TRAPPC10: variants seen among roughly 807,000 people sequenced by gnomAD.
TRAPPC10 encodes the protein trafficking protein particle complex subunit 10.
A neutral mutation model predicts 125.5 loss-of-function variants in TRAPPC10; 23 were observed. That is an observed-to-expected ratio of 0.18 (90% CI 0.13 to 0.26). TRAPPC10 has a LOEUF of 0.26. Among genes scored for constraint, TRAPPC10 ranks in the 10% least tolerant of loss-of-function variants. TRAPPC10 has a pLI of 1.00. For synonymous variants in TRAPPC10, 509 were observed against 518.0 expected, an observed-to-expected ratio of 0.98 and a Z score of 0.24; for missense variants, 1,123 against 1,308.4, an observed-to-expected ratio of 0.86 and a Z score of 2.19.
At chr21:44,013,736 T>A (rs2031470414) in intron 1 of TRAPPC10, among the ~76,000 whole-genome samples, 1 of 152,248 alleles carries the variant, frequency 6.6e-6, no homozygotes, top group Non-Finnish European at 1.5e-5. Flanking sequence ...TCTCTTTTTT[T>A]TCTACAGAGA....
intron 18 of TRAPPC10, among the ~76,000 whole-genome samples, chr21:44,090,970 A>T (rs1473099227): frequency 6.6e-6 from 1 of 152,208 alleles, no homozygotes; most frequent in Non-Finnish European, 1.5e-5. Context: ...AGGCAGGCGG[A>T]TCACGAGGTC....
At chr21:44,050,623 C>G (rs923955504) in intron 3 of TRAPPC10, among the ~76,000 whole-genome samples, 1 of 152,146 alleles carries the variant, frequency 6.6e-6, no homozygotes, top group South Asian at 2.1e-4. Context: ...TTCACCAGTG[C>G]TGTAAAATCT....
At chr21:44,044,468 A>G (rs1369366538) in intron 3 of TRAPPC10, among the ~76,000 whole-genome samples, 2 of 152,034 alleles carry the variant, frequency 1.3e-5, no homozygotes, top group African/African-American at 4.8e-5. Context: ...TCTTCCTTCA[A>G]GTAATATGAA....
intron 7 of TRAPPC10, among the ~76,000 whole-genome samples, chr21:44,066,554 T>C (rs1239727298): frequency 6.6e-6 from 1 of 152,236 alleles, no homozygotes; most frequent in Non-Finnish European, 1.5e-5. Context: ...TCCCTCCATT[T>C]ACAAAAGTTG....
At chr21:44,081,990 C>T (rs895161440) in intron 13 of TRAPPC10, among the ~76,000 whole-genome samples, 1 of 152,138 alleles carries the variant, frequency 6.6e-6, no homozygotes, top group Non-Finnish European at 1.5e-5. Context: ...GAGCCGTGAC[C>T]ACATCTGCTG....
chr21:44,089,810 G>A (rs1398666758), intron 17 of TRAPPC10, 23 bp from the exon 18 acceptor site: 11 of 1,599,020 alleles, frequency 6.9e-6, no homozygotes, highest in East Asian at 6.7e-5. Flanking sequence ...TGGTCTGAGA[G>A]TGTCTTTGTG....
intron 12 of TRAPPC10, 44 bp from the exon 13 acceptor site, chr21:44,079,971 T>C (rs1371648434): frequency 6.4e-7 from 1 of 1,554,476 alleles, no homozygotes; most frequent in Non-Finnish European, 8.9e-7. Context: ...CCCCCCGCAC[T>C]CCTAAGTATG....
At chr21:44,068,693 A>G (rs2036633260) in intron 7 of TRAPPC10, among the ~76,000 whole-genome samples, 1 of 151,994 alleles carries the variant, frequency 6.6e-6, no homozygotes, top group African/African-American at 2.4e-5. Flanking sequence ...CTCCGCCTCC[A>G]GGGTTCAGGC....
intron 7 of TRAPPC10, among the ~76,000 whole-genome samples, chr21:44,071,006 A>C (rs2036827420): frequency 6.6e-6 from 1 of 152,232 alleles, no homozygotes; most frequent in South Asian, 2.1e-4. Context: ...GGAGTGGATA[A>C]ATAAACTGTG....
chr21:44,086,997 C>T (rs761448700), intron 16 of TRAPPC10, 37 bp downstream of exon 16: 7 of 1,609,228 alleles, frequency 4.3e-6, no homozygotes, highest in Admixed American at 1.7e-5. Flanking sequence ...GGAGGATGCC[C>T]ACCTTGCCCT....
chr21:44,095,373 G>A (rs760848731), intron 20 of TRAPPC10, among the ~76,000 whole-genome samples: 6 of 151,804 alleles, frequency 4.0e-5, no homozygotes, highest in Admixed American at 2.0e-4. Context: ...AGCCTCCTGC[G>A]TAGCTGGGAT....
chr21:44,012,605 C>T, intron 1 of TRAPPC10, 45 bp downstream of exon 1: 2 of 1,500,244 alleles, frequency 1.3e-6, no homozygotes, highest in Non-Finnish European at 1.8e-6. Flanking sequence ...GTTGGGCGGG[C>T]CCGGGCCCTG....
At chr21:44,039,463 C>T (rs946638866) in intron 3 of TRAPPC10, among the ~76,000 whole-genome samples, 26 of 152,212 alleles carry the variant, frequency 1.7e-4, no homozygotes, top group East Asian at 5.8e-4. Flanking sequence ...GAGTCAGCCG[C>T]GTCTCCATGG....
In TRAPPC10 at chr21:44,084,235, G is replaced by T. The variant is rs763082293; in HGVS notation, c.2352G>T (p.Glu784Asp). ...TGCAGTACGACGTGTACTCACAGGA[G>T]CCCCAGCTGCACGTGGAGCCGCTGG... ...PIVQYDVYSQ[E>D]PQLHVEPLAD... is the part of the protein sequence containing the mutation. The change falls in exon 15 of 23, where the codon GAG (glutamate) becomes GAT (aspartate). Residue 784 changes from glutamate (E) to aspartate (D), a missense_variant. By Grantham distance (45) the Glu-to-Asp change is conservative. Transcript: ENST00000291574. 6 of 1,613,906 alleles carry T rather than the reference G, an allele frequency of 3.7e-6. No homozygotes were observed. Among genetic ancestry groups the T allele is most frequent in the Non-Finnish European group, 5.1e-6 (6 of 1,179,956 alleles).
intron 7 of TRAPPC10, among the ~76,000 whole-genome samples, chr21:44,073,685 A>C (rs2037053742): frequency 1.3e-5 from 2 of 152,192 alleles, no homozygotes; most frequent in African/African-American, 4.8e-5. Context: ...GACGTTTTTC[A>C]AATACAGACA....
intron 7 of TRAPPC10, among the ~76,000 whole-genome samples, chr21:44,065,105 G>A (rs1569186262): frequency 6.6e-6 from 1 of 152,178 alleles, no homozygotes; most frequent in Non-Finnish European, 1.5e-5. Context: ...CGGGAGGGGG[G>A]AAAATTGAAG....
chr21:44,051,180 A>G (rs1270742573), intron 3 of TRAPPC10, among the ~76,000 whole-genome samples: 1 of 152,228 alleles, frequency 6.6e-6, no homozygotes, highest in Non-Finnish European at 1.5e-5. Flanking sequence ...CTAGGATTAC[A>G]GGTGTGAGCC....
At chr21:44,033,570 A>G (rs1341247489) in intron 2 of TRAPPC10, among the ~76,000 whole-genome samples, 1 of 152,230 alleles carries the variant, frequency 6.6e-6, no homozygotes, top group Non-Finnish European at 1.5e-5. Flanking sequence ...TAAATGGAGA[A>G]ACTATGTAGG....
chr21:44,087,430 G>A lies in TRAPPC10; in HGVS notation c.2540-269G>A, dbSNP rs1206547689. 6.6e-6 allele frequency among the ~76,000 whole-genome samples: 1 copy of A among 151,640 alleles called. No individual in the cohort carries two copies. The highest frequency in any genetic ancestry group is 2.4e-5 in the African/African-American group (1 of 41,218). On this transcript the variant is annotated intron_variant, in intron 16 of 22. Transcript: ENST00000291574. The surrounding 1 kb of genome is among the most constrained non-coding windows in gnomAD (Gnocchi z 4.6). ...GCTGGAACGGGAGAAAGTCATGCAGGGACCTACACAGGACTTGGGTGGGCC... is the reference window on the plus strand; with the variant it reads ...GCTGGAACGGGAGAAAGTCATGCAGAGACCTACACAGGACTTGGGTGGGCC...
Sources: gnomAD v4.1 joint callset for allele counts (sites outside exome capture counted in the v4.1 genomes callset) on GRCh38, gnomAD v4.1.1 for gene constraint, Gnocchi (gnomAD v3.1) non-coding constraint, MANE v1.5 for transcripts, NCBI Gene and HGNC (gene_info 2026-07-23, HGNC 2026-07-21) for gene names.